TMTC2: variants seen among roughly 807,000 people sequenced by gnomAD.
TMTC2 encodes the protein transmembrane O-mannosyltransferase targeting cadherins 2, also known as protein O-mannosyl-transferase TMTC2.
In TMTC2, 43 loss-of-function variants were observed where a neutral mutation model predicts 82.4. The observed-to-expected ratio is 0.52, with a 90% CI of 0.41 to 0.67. The LOEUF (loss-of-function observed/expected upper bound fraction) is 0.67, where lower values mean the gene tolerates loss of function less well. TMTC2 is among the 30% of genes least tolerant of loss of function. The probability of loss-of-function intolerance (pLI) is 0.00; values close to 1 mark genes in which losing one functional copy is unlikely to be tolerated. For missense variants in TMTC2, 919 were observed against 1,012.4 expected (o/e 0.91, Z 1.25); for synonymous variants, 408 against 381.9 (o/e 1.07, Z -0.80).
intron 2 of TMTC2, among the ~76,000 whole-genome samples, chr12:82,889,403 A>G (rs959417660): frequency 6.6e-6 from 1 of 152,168 alleles, no homozygotes; most frequent in South Asian, 2.1e-4. Flanking sequence ...CAAGTTGTCA[A>G]ACCTTTTAGT....
At chr12:83,082,277 A>G (rs560216636) in intron 11 of TMTC2, among the ~76,000 whole-genome samples, 1 of 152,342 alleles carries the variant, frequency 6.6e-6, no homozygotes, top group South Asian at 2.1e-4. Context: ...TGTATCATTT[A>G]AAGTGTGCTA....
chr12:82,838,956 A>T (rs1237806367), intron 1 of TMTC2, among the ~76,000 whole-genome samples: 3 of 152,120 alleles, frequency 2.0e-5, no homozygotes, highest in Non-Finnish European at 2.9e-5. Context: ...TAAGTTATTG[A>T]TTCCTCTTGG....
chr12:83,113,048 A>G (rs1884646238), intron 11 of TMTC2, among the ~76,000 whole-genome samples: 2 of 152,182 alleles, frequency 1.3e-5, no homozygotes, highest in South Asian at 4.1e-4. Context: ...TTTGGTTGTT[A>G]TTTGTGAGTA....
chr12:82,734,783 T>A (rs1462046568), intron 1 of TMTC2, among the ~76,000 whole-genome samples: 1 of 152,192 alleles, frequency 6.6e-6, no homozygotes, highest in South Asian at 2.1e-4. Flanking sequence ...TTATTTTCTT[T>A]GTTATTATTA....
chr12:82,780,535 G>GT (rs1443510294), intron 1 of TMTC2, among the ~76,000 whole-genome samples: 3 of 151,878 alleles, frequency 2.0e-5, no homozygotes, highest in African/African-American at 7.3e-5. Context: ...TATTAAAAGC[G>GT]TAAGTAATAT....
chr12:82,875,821 TTAGA>T (rs983730301), intron 2 of TMTC2, among the ~76,000 whole-genome samples: 6 of 150,694 alleles, frequency 4.0e-5, no homozygotes, highest in Non-Finnish European at 7.4e-5. Context: ...ACCAAATTAT[TTAGA>T]TATATTGAAC....
intron 9 of TMTC2, among the ~76,000 whole-genome samples, chr12:83,044,391 G>C (rs1305581353): frequency 6.6e-6 from 1 of 152,174 alleles, no homozygotes; most frequent in African/African-American, 2.4e-5. Context: ...TGTATTACAG[G>C]AACAGTAAGA....
chr12:83,053,044 T>C (rs557452910), intron 10 of TMTC2, among the ~76,000 whole-genome samples: 36 of 152,304 alleles, frequency 2.4e-4, no homozygotes, highest in African/African-American at 7.7e-4. Context: ...TAGTGCTTGC[T>C]GTCAAGCTGA....
Position 82,986,054 on chromosome 12 carries a change from A to G in TMTC2, c.2070+8A>G. 1 of 1,613,890 alleles carries G rather than the reference A, an allele frequency of 6.2e-7. No homozygotes were observed. Among genetic ancestry groups the G allele is most frequent in the African/African-American group, 1.3e-5 (1 of 75,034 alleles). Reference sequence around the variant, plus strand: ...AAGCTGCTAGCTCTAACAGTGAGTAACCGCCTTCCTTGGTCTTTAAAACTT... The same window carrying G: ...AAGCTGCTAGCTCTAACAGTGAGTAGCCGCCTTCCTTGGTCTTTAAAACTT... On this transcript the variant is annotated splice_region_variant and intron_variant, in intron 8 of 11. Coordinates refer to ENST00000321196, the MANE Select transcript of TMTC2 (RefSeq NM_152588.3).
At chr12:82,755,397 T>C (rs1395331491) in intron 1 of TMTC2, among the ~76,000 whole-genome samples, 1 of 152,188 alleles carries the variant, frequency 6.6e-6, no homozygotes. Context: ...CCCCAACCCA[T>C]GCTGCAATCA....
intron 1 of TMTC2, among the ~76,000 whole-genome samples, chr12:82,823,893 ATTT>A (rs1225145231): frequency 2.9e-5 from 4 of 136,298 alleles, no homozygotes; most frequent in Non-Finnish European, 3.2e-5. Flanking sequence ...CCATTATTCT[ATTT>A]TTTTTTTTTT....
intron 11 of TMTC2, among the ~76,000 whole-genome samples, chr12:83,086,996 A>G (rs1565883152): frequency 6.6e-6 from 1 of 152,212 alleles, no homozygotes; most frequent in Non-Finnish European, 1.5e-5. Context: ...ATTTCTCTGT[A>G]GCATGCAATG....
chr12:82,990,745 A>T (rs1879364152), intron 8 of TMTC2, among the ~76,000 whole-genome samples: 1 of 152,044 alleles, frequency 6.6e-6, no homozygotes, highest in African/African-American at 2.4e-5. Context: ...CCCTGTACCC[A>T]TGTGCCTTTT....
Position 82,937,926 on chromosome 12 carries a change from T to TTA in TMTC2, c.1598+7382_1598+7383insAT, listed in dbSNP as rs576826599. ...TTCAAACCTTTTTTTTTTTTTATTT[T>TTA]TTTTTTTTGAGACAGTCTTACGCTG... On this transcript the variant is annotated intron_variant, in intron 4 of 11. Transcript: ENST00000321196. 3.4e-3 allele frequency among the ~76,000 whole-genome samples: 315 copies of TTA among 91,384 alleles called. 5 individuals are homozygous for TTA. The East Asian group carries it at 0.061, about 18-fold the overall frequency. 60.0% of individuals were successfully genotyped at this position (91,384 alleles called of 152,430 possible).
intron 11 of TMTC2, among the ~76,000 whole-genome samples, chr12:83,110,556 T>G (rs1175606532): frequency 6.6e-6 from 1 of 152,168 alleles, no homozygotes. Context: ...GACTAGTAAG[T>G]ACAACACTCA....
At chr12:83,004,849 G>A (rs1471341330) in intron 8 of TMTC2, among the ~76,000 whole-genome samples, 2 of 147,462 alleles carry the variant, frequency 1.4e-5, no homozygotes, top group East Asian at 2.0e-4. Context: ...GCGAAGCAGG[G>A]AGTGGTGGCT....
intron 1 of TMTC2, among the ~76,000 whole-genome samples, chr12:82,817,154 A>G (rs1868789326): frequency 6.6e-6 from 1 of 151,750 alleles, no homozygotes; most frequent in African/African-American, 2.4e-5. Context: ...TTTTTAGGAG[A>G]GATGGGGTTT....
At chr12:82,910,260 C>A (rs1378298905) in intron 3 of TMTC2, among the ~76,000 whole-genome samples, 1 of 152,096 alleles carries the variant, frequency 6.6e-6, no homozygotes, top group African/African-American at 2.4e-5. Flanking sequence ...TGCATGTGGG[C>A]ATTAAATTAG....
At chr12:83,089,840 CAAA>C (rs1381824863) in intron 11 of TMTC2, among the ~76,000 whole-genome samples, 10 of 141,192 alleles carry the variant, frequency 7.1e-5, no homozygotes, top group African/African-American at 2.7e-4. Context: ...AAACAAAAAA[CAAA>C]AAACAAAAAA....
Sources: gnomAD v4.1 joint callset for allele counts (sites outside exome capture counted in the v4.1 genomes callset) on GRCh38, gnomAD v4.1.1 for gene constraint, MANE v1.5 for transcripts, NCBI Gene and HGNC (gene_info 2026-07-23, HGNC 2026-07-21) for gene names.